Variants in LGSN observed in about 807,000 individuals in gnomAD.
LGSN encodes lengsin, lens protein with glutamine synthetase domain.
A neutral mutation model predicts 19.5 loss-of-function variants in LGSN; 21 were observed. The observed-to-expected ratio is 1.07, with a 90% CI of 0.76 to 1.55. LGSN has a LOEUF of 1.55. Ranked by LOEUF, LGSN falls within the 40% of genes most tolerant of loss-of-function variation. The probability of loss-of-function intolerance (pLI) is 0.00; values close to 1 mark genes in which losing one functional copy is unlikely to be tolerated. For synonymous variants in LGSN, 257 were observed against 215.6 expected (o/e 1.19, Z -1.68); for missense variants, 673 against 608.5 (o/e 1.11, Z -1.12).
At chr6:63,513,743 T>C in the LGSN span, among the ~76,000 whole-genome samples, 1 of 151,678 alleles carries the variant, frequency 6.6e-6, no homozygotes, top group Non-Finnish European at 1.5e-5. Context: ...AAACCCCGTC[T>C]CTACTAAAAA....
At chr6:63,385,032 G>C in the LGSN span, among the ~76,000 whole-genome samples, 6 of 152,248 alleles carry the variant, frequency 3.9e-5, no homozygotes, top group African/African-American at 1.4e-4. Flanking sequence ...TGTGAATCTT[G>C]GTGTTGAACT....
chr6:63,289,295 A>G (rs1373211681), intron 2 of LGSN, among the ~76,000 whole-genome samples: 1 of 152,198 alleles, frequency 6.6e-6, no homozygotes, highest in Admixed American at 6.5e-5. Flanking sequence ...TAAAAGTTCA[A>G]TTCTTTCACC....
At chr6:63,477,664 TTTCTTC>T in the LGSN span, among the ~76,000 whole-genome samples, 5 of 148,708 alleles carry the variant, frequency 3.4e-5, no homozygotes, top group South Asian at 2.1e-4. Flanking sequence ...TCTTTTTCTT[TTTCTTC>T]TTCTTCTTCT....
chr6:63,360,347 G>A, the LGSN span, among the ~76,000 whole-genome samples: 1 of 152,150 alleles, frequency 6.6e-6, no homozygotes, highest in Admixed American at 6.5e-5. Context: ...TTTCTTGGAG[G>A]CTTTGTTTGT....
At chr6:63,320,989 C>G (rs1024048990), upstream of LGSN, among the ~76,000 whole-genome samples, 1 of 152,200 alleles carries the variant, frequency 6.6e-6, no homozygotes, top group Non-Finnish European at 1.5e-5. Context: ...CTCTGTGTAG[C>G]CTGATCTACA....
chr6:63,382,254 C>G, the LGSN span, among the ~76,000 whole-genome samples: 1 of 152,106 alleles, frequency 6.6e-6, no homozygotes, highest in Non-Finnish European at 1.5e-5. Flanking sequence ...TAAATACTTA[C>G]TAGTAATAAT....
At chr6:63,560,389 C>A in the LGSN span, among the ~76,000 whole-genome samples, 11 of 138,020 alleles carry the variant, frequency 8.0e-5, no homozygotes, top group South Asian at 2.4e-4. Flanking sequence ...AAGTAAAAAA[C>A]AAAACACAAA....
At chr6:63,416,965 C>T in the LGSN span, among the ~76,000 whole-genome samples, 46 of 147,550 alleles carry the variant, frequency 3.1e-4, no homozygotes, top group South Asian at 2.2e-4. Context: ...ACACATTTAA[C>T]GAAAGTCGAA....
the LGSN span, among the ~76,000 whole-genome samples, chr6:63,362,744 T>C: frequency 2.0e-5 from 3 of 152,208 alleles, no homozygotes; most frequent in Non-Finnish European, 2.9e-5. Flanking sequence ...GAGGCCTGCC[T>C]GCCTCTGTAG....
chr6:63,398,996 A>G, the LGSN span, among the ~76,000 whole-genome samples: 1 of 152,226 alleles, frequency 6.6e-6, no homozygotes, highest in Non-Finnish European at 1.5e-5. Context: ...TTGTAGAGAC[A>G]GGGTCTCCCT....
chr6:63,376,813 C>T, the LGSN span, among the ~76,000 whole-genome samples: 1 of 152,156 alleles, frequency 6.6e-6, no homozygotes, highest in African/African-American at 2.4e-5. Flanking sequence ...GGGTGAATAA[C>T]TTTTACTAGA....
intron 1 of LGSN, among the ~76,000 whole-genome samples, chr6:63,309,130 C>T (rs1017342710): frequency 2.0e-5 from 3 of 152,030 alleles, no homozygotes; most frequent in African/African-American, 7.2e-5. Context: ...AGTGATTTAC[C>T]ATTTAAAAAT....
the LGSN span, among the ~76,000 whole-genome samples, chr6:63,358,551 C>A: frequency 6.6e-6 from 1 of 152,060 alleles, no homozygotes; most frequent in African/African-American, 2.4e-5. Flanking sequence ...CCTTCACATC[C>A]CTTGTAAGTT....
At chr6:63,391,371 A>G in the LGSN span, among the ~76,000 whole-genome samples, 2 of 152,226 alleles carry the variant, frequency 1.3e-5, no homozygotes, top group Non-Finnish European at 1.5e-5. Flanking sequence ...AGAATACACA[A>G]TGTAGAGGAC....
chr6:63,468,805 A>G, the LGSN span, among the ~76,000 whole-genome samples: 2 of 148,528 alleles, frequency 1.3e-5, no homozygotes, highest in East Asian at 2.0e-4. Context: ...CTAGGGTGCA[A>G]TGGCACGGTC....
At chr6:63,356,179 A>C in the LGSN span, among the ~76,000 whole-genome samples, 1 of 152,208 alleles carries the variant, frequency 6.6e-6, no homozygotes, top group Non-Finnish European at 1.5e-5. Context: ...GAGATCCTGA[A>C]GGTTAGGACT....
chr6:63,442,988 G>A, the LGSN span, among the ~76,000 whole-genome samples: 1 of 152,258 alleles, frequency 6.6e-6, no homozygotes, highest in Non-Finnish European at 1.5e-5. Context: ...ACCAGGCACT[G>A]TGGAGCAGGC....
chr6:63,351,330 C>A, the LGSN span, among the ~76,000 whole-genome samples: 1 of 151,042 alleles, frequency 6.6e-6, no homozygotes, highest in East Asian at 1.9e-4. Flanking sequence ...AAGATTAAGA[C>A]AAAAGGAAGG....
chr6:63,536,647 G>A, the LGSN span, among the ~76,000 whole-genome samples: 6 of 151,978 alleles, frequency 3.9e-5, no homozygotes, highest in African/African-American at 9.7e-5. Context: ...TGTCAGTCGC[G>A]ATAACTGTGT....
Sources: gnomAD v4.1 joint callset for allele counts (sites outside exome capture counted in the v4.1 genomes callset) on GRCh38, gnomAD v4.1.1 for gene constraint, MANE v1.5 for transcripts, NCBI Gene and HGNC (gene_info 2026-07-23, HGNC 2026-07-21) for gene names.